Variants in DSCAM observed in about 807,000 individuals in gnomAD.
The protein encoded by DSCAM is DS cell adhesion molecule.
DSCAM carries 47 observed loss-of-function variants against 217.7 expected under a neutral mutation model. The observed-to-expected ratio is 0.22, with a 90% CI of 0.17 to 0.28. The LOEUF (loss-of-function observed/expected upper bound fraction) is 0.28. DSCAM is among the 10% of genes least tolerant of loss of function. DSCAM has a pLI of 1.00. For synonymous variants in DSCAM, 1,056 were observed against 1,015.3 expected, an observed-to-expected ratio of 1.04 and a Z score of -0.76; for missense variants, 2,080 against 2,618.3, an observed-to-expected ratio of 0.79 and a Z score of 4.49.
intron 3 of DSCAM, among the ~76,000 whole-genome samples, chr21:40,479,499 C>A (rs2075964097): frequency 6.6e-6 from 1 of 152,208 alleles, no homozygotes; most frequent in East Asian, 1.9e-4. Context: ...CTCAGTTCCA[C>A]ATGGCTGGGG....
chr21:40,462,600 G>A (rs966379104), intron 3 of DSCAM, among the ~76,000 whole-genome samples: 3 of 152,210 alleles, frequency 2.0e-5, no homozygotes, highest in Admixed American at 6.5e-5. Flanking sequence ...ATCCCCAAGT[G>A]AACCATATGC....
At chr21:40,058,094 A>G (rs111881331) in intron 28 of DSCAM, among the ~76,000 whole-genome samples, 21,025 of 151,706 alleles carry the variant, frequency 0.14, 2,550 homozygotes, top group African/African-American at 0.33. Context: ...GAATGGTCTC[A>G]ATCTCCTGAC....
At chr21:40,043,243 G>C (rs2088786025) in intron 31 of DSCAM, among the ~76,000 whole-genome samples, 1 of 152,170 alleles carries the variant, frequency 6.6e-6, no homozygotes, top group Non-Finnish European at 1.5e-5. Context: ...GACAAAAACT[G>C]GTGCCCACAT....
At chr21:40,035,934 G>A (rs1336055175) in intron 32 of DSCAM, among the ~76,000 whole-genome samples, 1 of 149,180 alleles carries the variant, frequency 6.7e-6, no homozygotes, top group Non-Finnish European at 1.5e-5. Flanking sequence ...ATAACGAAAT[G>A]AAGCTAGAAA....
intron 11 of DSCAM, among the ~76,000 whole-genome samples, chr21:40,227,482 T>C (rs2091343951): frequency 6.6e-6 from 1 of 152,138 alleles, no homozygotes; most frequent in Non-Finnish European, 1.5e-5. Flanking sequence ...ACATTTGGGG[T>C]AAATTGTTTT....
chr21:40,148,815 T>C (rs754657182), intron 16 of DSCAM, among the ~76,000 whole-genome samples: 6 of 151,978 alleles, frequency 3.9e-5, no homozygotes, highest in African/African-American at 9.7e-5. Context: ...TCTCTACCAC[T>C]GACATCACCA....
rs150741115 is a variant in DSCAM at position 40,154,334 on chromosome 21, C to G, written c.3019-9603G>C. 8.7e-3 allele frequency among the ~76,000 whole-genome samples: 1,321 copies of G among 152,064 alleles called. 23 individuals are homozygous for G. Among genetic ancestry groups the G allele is most frequent in the African/African-American group, 0.03 (1,243 of 41,446 alleles). Reference sequence around the variant, plus strand: ...GTGGTGGGATCATGGCTCACTGCAGCCTCAACCACCCCAGGCTCAAATAAT... The same window carrying G: ...GTGGTGGGATCATGGCTCACTGCAGGCTCAACCACCCCAGGCTCAAATAAT... On this transcript the variant is annotated intron_variant, in intron 16 of 32. Transcript: ENST00000400454.
intron 3 of DSCAM, among the ~76,000 whole-genome samples, chr21:40,520,622 C>G (rs554432992): frequency 3.9e-5 from 6 of 152,094 alleles, no homozygotes; most frequent in African/African-American, 1.4e-4. Context: ...GCCTGGCCAA[C>G]ATGGTGAAAC....
chr21:40,529,246 T>A (rs1298971916), intron 3 of DSCAM, among the ~76,000 whole-genome samples: 1 of 152,066 alleles, frequency 6.6e-6, no homozygotes, highest in Non-Finnish European at 1.5e-5. Context: ...TCCATGGCAC[T>A]CCCCTCTGGG....
rs999418288 is a variant in DSCAM at position 40,055,610 on chromosome 21, T to C, written c.5035+115A>G. 45 of 714,242 alleles carry C rather than the reference T, an allele frequency of 6.3e-5. No individual in the cohort carries two copies. The Admixed American group carries it at 9.5e-4, about 15-fold the overall frequency. The allele number at this position is 714,242 out of a possible 1,614,324, so 44.2% of individuals were successfully genotyped here. A position where few individuals can be genotyped will look rare whatever the true frequency, so the allele number is the denominator to read the frequency against. ...ATTCTCTACCTTCTAGCTTTGGTAC[T>C]CACGTAGCCTTCAAGACGCTCTCCT... On this transcript the variant is annotated intron_variant, in intron 29 of 32. Transcript: ENST00000400454.
chr21:40,239,700 T>C (rs2073122708), intron 11 of DSCAM, among the ~76,000 whole-genome samples: 2 of 152,178 alleles, frequency 1.3e-5, no homozygotes, highest in African/African-American at 4.8e-5. Context: ...TATGGCTTCT[T>C]CCCTCAGAAG....
chr21:40,692,683 G>T, intron 3 of DSCAM, 127 bp downstream of exon 3: 1 of 1,156,184 alleles, frequency 8.6e-7, no homozygotes, highest in Non-Finnish European at 1.2e-6. Context: ...TTACAAAATA[G>T]CATCAGCCTT....
intron 14 of DSCAM, among the ~76,000 whole-genome samples, chr21:40,185,211 C>A (rs946803451): frequency 7.2e-5 from 11 of 152,264 alleles, no homozygotes; most frequent in African/African-American, 2.6e-4. Flanking sequence ...GCTGGGTGAG[C>A]ACCTGAGAAT....
intron 1 of DSCAM, among the ~76,000 whole-genome samples, chr21:40,720,922 T>C (rs2090894288): frequency 6.6e-6 from 1 of 152,210 alleles, no homozygotes; most frequent in South Asian, 2.1e-4. Flanking sequence ...TGATGAGTCC[T>C]TAACTGTGTG....
At chr21:40,391,687 C>T (rs2075135254) in intron 3 of DSCAM, among the ~76,000 whole-genome samples, 1 of 152,214 alleles carries the variant, frequency 6.6e-6, no homozygotes, top group Non-Finnish European at 1.5e-5. Context: ...CAGTGTCCCA[C>T]ATAGCATCAG....
At chr21:40,139,452 TGA>T (rs1238024358) in intron 18 of DSCAM, among the ~76,000 whole-genome samples, 4 of 151,592 alleles carry the variant, frequency 2.6e-5, no homozygotes, top group Non-Finnish European at 5.9e-5. Context: ...CACAGGTAGG[TGA>T]GAGGGGAAGG....
intron 32 of DSCAM, among the ~76,000 whole-genome samples, chr21:40,015,326 A>G (rs2088137467): frequency 1.3e-5 from 2 of 151,774 alleles, no homozygotes; most frequent in South Asian, 4.2e-4. Flanking sequence ...CTTGTGTAAC[A>G]TTATCACCAT....
intron 1 of DSCAM, among the ~76,000 whole-genome samples, chr21:40,784,770 A>G (rs938787130): frequency 1.3e-5 from 2 of 152,226 alleles, no homozygotes; most frequent in Non-Finnish European, 2.9e-5. Context: ...ATGACCATCT[A>G]CGAACCAGGA....
intron 3 of DSCAM, among the ~76,000 whole-genome samples, chr21:40,495,859 AAGT>A (rs764663504): frequency 6.6e-6 from 1 of 152,138 alleles, no homozygotes; most frequent in Non-Finnish European, 1.5e-5. Flanking sequence ...AACACATAAA[AAGT>A]AGTAGAATAT....
Sources: gnomAD v4.1 joint callset for allele counts (sites outside exome capture counted in the v4.1 genomes callset) on GRCh38, gnomAD v4.1.1 for gene constraint, MANE v1.5 for transcripts, NCBI Gene and HGNC (gene_info 2026-07-23, HGNC 2026-07-21) for gene names.